The following MBNL3 variants were observed in gnomAD, a reference collection of about 807,000 sequenced individuals.
MBNL3 encodes muscleblind-like protein 3.
Under a neutral mutation model 24.5 loss-of-function variants are expected in MBNL3, and 6 were observed. The observed-to-expected ratio is 0.25, with a 90% CI of 0.13 to 0.48. The LOEUF (loss-of-function observed/expected upper bound fraction) is 0.48, where lower values mean the gene tolerates loss of function less well. MBNL3 is among the 20% of genes least tolerant of loss of function. The probability of loss-of-function intolerance (pLI) is 0.99; values close to 1 mark genes in which losing one functional copy is unlikely to be tolerated. For missense variants in MBNL3, 230 were observed against 293.5 expected (o/e 0.78, Z 1.58); for synonymous variants, 100 against 101.7 (o/e 0.98, Z 0.10).
intron 1 of MBNL3, among the ~76,000 whole-genome samples, chrX:132,467,478 T>A (rs1279926569): frequency 1.8e-5 from 2 of 112,028 alleles, no homozygotes; most frequent in Non-Finnish European, 3.8e-5. Flanking sequence ...TTAATAATGA[T>A]AATACACATA....
At chrX:132,480,051 G>A (rs781287727) in intron 1 of MBNL3, among the ~76,000 whole-genome samples, 2 of 111,489 alleles carry the variant, frequency 1.8e-5, no homozygotes, top group Non-Finnish European at 3.8e-5. Context: ...ATTCCTGGAT[G>A]TGAACCCAGC....
intron 7 of MBNL3, 151 bp downstream of exon 7, chrX:132,384,512 C>G (rs1235946998): frequency 2.1e-6 from 1 of 479,559 alleles, no homozygotes; most frequent in Non-Finnish European, 3.4e-6. Flanking sequence ...TTTGATGCTA[C>G]AAAGACATAA....
rs767032712 is a variant in MBNL3 at position 132,445,511 on chromosome X, C to T, written c.-703-5197G>A. On this transcript the variant is annotated intron_variant, in intron 1 of 8. Coordinates refer to ENST00000370853, the MANE Select transcript of MBNL3 (RefSeq NM_001386889.1). ...CTTTTTCATTAACTTTTTTTTAAAG[C>T]TTTGCTGCATTTTTTCATAATACTC... Among the ~76,000 whole-genome samples, 7 of 110,682 alleles carry T rather than the reference C, an allele frequency of 6.3e-5. No individual in the cohort carries two copies. The East Asian group carries it at 2.0e-3, about 31-fold the overall frequency.
intron 1 of MBNL3, among the ~76,000 whole-genome samples, chrX:132,448,098 A>T (rs1270647040): frequency 8.9e-6 from 1 of 112,189 alleles, no homozygotes; most frequent in African/African-American, 3.2e-5. Context: ...CCAGGGATGA[A>T]GCCGACTTGA....
At chrX:132,383,838 G>T (rs137938096) in intron 7 of MBNL3, among the ~76,000 whole-genome samples, 2,550 of 111,712 alleles carry the variant, frequency 0.023, 79 homozygotes, top group African/African-American at 0.078. Flanking sequence ...TCAAAAGGGA[G>T]GGGATGGCCT....
intron 2 of MBNL3, among the ~76,000 whole-genome samples, chrX:132,422,978 C>G (rs1342221635): frequency 8.9e-6 from 1 of 111,740 alleles, no homozygotes; most frequent in African/African-American, 3.3e-5. Context: ...GAATATTGTC[C>G]TATCCGACAA....
At position 132,370,380 on chromosome X, in the gene MBNL3, CAT is replaced by C. The variant is rs1386985704; in HGVS notation, c.*9284_*9285del. The C allele has an allele frequency of 9.0e-6, 1 of 111,682 alleles. No individual in the cohort carries two copies. Among genetic ancestry groups the C allele is most frequent in the Non-Finnish European group, 1.9e-5 (1 of 53,128 alleles). The allele number at this position is 111,682 out of a possible 1,213,427, so 9.2% of individuals were successfully genotyped here. A position where few individuals can be genotyped will look rare whatever the true frequency, so the allele number is the denominator to read the frequency against. On this transcript the variant is annotated 3_prime_UTR_variant, in exon 9 of 9. Coordinates refer to ENST00000370853, the MANE Select transcript of MBNL3 (RefSeq NM_001386889.1). ...CTATTCAGTATTTTAGGTTCATTAT[CAT>C]ATCAGAACTTTCCAGATAATAACAA...
At position 132,375,314 on chromosome X, in the gene MBNL3, G is replaced by A. The variant is rs1339136149; in HGVS notation, c.*4352C>T. 1 of 111,318 alleles carries A rather than the reference G, an allele frequency of 9.0e-6. No individual in the cohort carries two copies. The highest frequency in any genetic ancestry group is 1.9e-5 in the Non-Finnish European group (1 of 52,843). The allele number at this position is 111,318 out of a possible 1,213,427, so 9.2% of individuals were successfully genotyped here. ...ATAAAGTTAAATTTGTTCTTAAATT[G>A]TGAACTGTAAAGGATAGTTTTGGAC... On this transcript the variant is annotated 3_prime_UTR_variant, in exon 9 of 9. Transcript: ENST00000370853.
Position 132,433,446 on chromosome X carries a change from A to G in MBNL3, c.177+5989T>C, listed in dbSNP as rs770992343. 7.1e-5 allele frequency among the ~76,000 whole-genome samples: 8 copies of G among 111,946 alleles called. No individual in the cohort carries two copies. In the East Asian group the frequency reaches 1.7e-3, roughly 24 times the overall value. On this transcript the variant is annotated intron_variant, in intron 2 of 8. Transcript: ENST00000370853. Reference sequence around the variant, plus strand: ...AACCTGCTATATTAACTCTTTCCTCACATGAGATTTCTTTATTGCTAATTC... The same window carrying G: ...AACCTGCTATATTAACTCTTTCCTCGCATGAGATTTCTTTATTGCTAATTC...
At chrX:132,398,566 TG>T (rs1428866701) in intron 3 of MBNL3, among the ~76,000 whole-genome samples, 2 of 111,985 alleles carry the variant, frequency 1.8e-5, no homozygotes, top group Admixed American at 1.9e-4. Flanking sequence ...ATTGAACATG[TG>T]CAGCTTTTGT....
chrX:132,484,371 T>C (rs751396896), intron 1 of MBNL3, among the ~76,000 whole-genome samples: 5 of 112,403 alleles, frequency 4.4e-5, no homozygotes, highest in Non-Finnish European at 9.4e-5. Flanking sequence ...AAACTTTTAC[T>C]GAGAACCTAC....
Position 132,377,925 on chromosome X carries a change from G to C in MBNL3, c.*1741C>G, listed in dbSNP as rs1934288534. ...TAAAATGTCATGTGTTTCCACCACT[G>C]TATAATAACATTAATAAATGAGTAG... On this transcript the variant is annotated 3_prime_UTR_variant, in exon 9 of 9. Transcript: ENST00000370853. 1 of 110,058 alleles carries C rather than the reference G, an allele frequency of 9.1e-6. No individual in the cohort carries two copies. Among genetic ancestry groups the C allele is most frequent in the African/African-American group, 3.3e-5 (1 of 30,253 alleles). 9.1% of individuals were successfully genotyped at this position (110,058 alleles called of 1,213,427 possible).
chrX:132,475,904 A>T (rs1437321023), intron 1 of MBNL3, among the ~76,000 whole-genome samples: 1 of 111,668 alleles, frequency 9.0e-6, no homozygotes, highest in African/African-American at 3.3e-5. Context: ...CTATACCATT[A>T]TTCACACCAA....
intron 2 of MBNL3, among the ~76,000 whole-genome samples, chrX:132,425,811 CTAAG>C (rs747390148): frequency 9.3e-4 from 104 of 111,471 alleles, no homozygotes; most frequent in African/African-American, 3.2e-3. Flanking sequence ...ACAATGGCCA[CTAAG>C]TAATTTTTTA....
intron 1 of MBNL3, among the ~76,000 whole-genome samples, chrX:132,483,438 C>T (rs1947844514): frequency 8.9e-6 from 1 of 112,203 alleles, no homozygotes; most frequent in Non-Finnish European, 1.9e-5. Flanking sequence ...CCATTTTCCC[C>T]ATTGGTAAAT....
intron 2 of MBNL3, chrX:132,432,187 C>T (rs1486488614): frequency 9.0e-6 from 1 of 111,124 alleles, no homozygotes; most frequent in East Asian, 2.8e-4. Flanking sequence ...TATATAATAT[C>T]TATGGGAGAG....
chrX:132,470,610 A>G (rs1947129238), intron 1 of MBNL3, among the ~76,000 whole-genome samples: 1 of 111,901 alleles, frequency 8.9e-6, no homozygotes, highest in South Asian at 3.7e-4. Context: ...CCATAATACA[A>G]CTTTTAAAAG....
intron 7 of MBNL3, among the ~76,000 whole-genome samples, chrX:132,383,379 ACT>A (rs1303084311): frequency 1.8e-5 from 2 of 111,631 alleles, no homozygotes; most frequent in African/African-American, 6.5e-5. Context: ...TTCTAAAAAC[ACT>A]CTTGTTTTCC....
chrX:132,449,446 C>T (rs778724923), intron 1 of MBNL3, among the ~76,000 whole-genome samples: 13 of 86,680 alleles, frequency 1.5e-4, no homozygotes, highest in Non-Finnish European at 2.8e-4. Context: ...TTATCAGAGA[C>T]TAGGATTGCA....
Sources: gnomAD v4.1 joint callset for allele counts (sites outside exome capture counted in the v4.1 genomes callset) on GRCh38, gnomAD v4.1.1 for gene constraint, MANE v1.5 for transcripts, NCBI Gene and HGNC (gene_info 2026-07-23, HGNC 2026-07-21) for gene names.